Variants in RNF111 observed in about 807,000 individuals in gnomAD.
RNF111 encodes the protein E3 ubiquitin-protein ligase Arkadia.
In RNF111, 17 loss-of-function variants were observed where a neutral mutation model predicts 95.1. That is an observed-to-expected ratio of 0.18 (90% CI 0.12 to 0.27). RNF111 has a LOEUF of 0.27. Among genes scored for constraint, RNF111 ranks in the 10% least tolerant of loss-of-function variants. RNF111 has a pLI of 1.00. For synonymous variants in RNF111, 440 were observed against 414.8 expected (o/e 1.06, Z -0.74); for missense variants, 1,189 against 1,210.4 (o/e 0.98, Z 0.26).
At chr15:59,063,147 T>G (rs1306073512) in intron 5 of RNF111, among the ~76,000 whole-genome samples, 1 of 152,236 alleles carries the variant, frequency 6.6e-6, no homozygotes, top group Admixed American at 6.5e-5. Context: ...GCTACATGAT[T>G]GCATGCTGCT....
At chr15:59,008,318 A>G (rs2039634201) in intron 1 of RNF111, among the ~76,000 whole-genome samples, 1 of 152,114 alleles carries the variant, frequency 6.6e-6, no homozygotes, top group Non-Finnish European at 1.5e-5. Context: ...CCTGAGCTCA[A>G]GCGATCCTCC....
chr15:59,043,235 G>A (rs1015025948), intron 2 of RNF111, among the ~76,000 whole-genome samples: 2 of 151,294 alleles, frequency 1.3e-5, no homozygotes, highest in African/African-American at 4.9e-5. Flanking sequence ...GCTCACTGCA[G>A]CCTCCGCCTC....
chr15:59,088,078 T>C (rs1337051949), intron 10 of RNF111, among the ~76,000 whole-genome samples: 6 of 152,040 alleles, frequency 3.9e-5, no homozygotes, highest in Non-Finnish European at 8.8e-5. Flanking sequence ...CCAGGATTAG[T>C]AGAGAATTTA....
intron 1 of RNF111, among the ~76,000 whole-genome samples, chr15:59,017,842 C>T (rs778800060): frequency 1.3e-5 from 2 of 148,738 alleles, no homozygotes; most frequent in Non-Finnish European, 3.0e-5. Flanking sequence ...TCTGCAACCT[C>T]CACTTCCTGG....
intron 1 of RNF111, among the ~76,000 whole-genome samples, chr15:58,991,724 T>C (rs1596008928): frequency 6.6e-6 from 1 of 152,236 alleles, no homozygotes; most frequent in African/African-American, 2.4e-5. Context: ...TCTACAAATG[T>C]AAATTAATTA....
At chr15:59,041,485 G>A (rs1463725704) in intron 2 of RNF111, among the ~76,000 whole-genome samples, 5 of 152,176 alleles carry the variant, frequency 3.3e-5, no homozygotes, top group East Asian at 1.9e-4. Context: ...CCCAGGAGGC[G>A]GAGGTTGCAG....
At chr15:59,045,492 G>C (rs145722313) in intron 2 of RNF111, among the ~76,000 whole-genome samples, 13 of 152,098 alleles carry the variant, frequency 8.5e-5, no homozygotes, top group African/African-American at 2.9e-4. Flanking sequence ...CCCGGCCTTA[G>C]TTTTTCCTCT....
At chr15:58,992,159 G>A (rs530012888) in intron 1 of RNF111, among the ~76,000 whole-genome samples, 4 of 152,088 alleles carry the variant, frequency 2.6e-5, no homozygotes, top group Admixed American at 6.6e-5. Flanking sequence ...ATTCTTCTGC[G>A]TCAGTCTCCT....
intron 2 of RNF111, among the ~76,000 whole-genome samples, chr15:59,033,483 A>G (rs2041016893): frequency 1.3e-5 from 2 of 152,200 alleles, no homozygotes; most frequent in Non-Finnish European, 2.9e-5. Flanking sequence ...TTTCCTGAGA[A>G]TAAGGGAAAT....
chr15:59,083,572 G>A (rs999108591), intron 8 of RNF111, among the ~76,000 whole-genome samples: 1 of 151,064 alleles, frequency 6.6e-6, no homozygotes, highest in South Asian at 2.1e-4. Flanking sequence ...CTAAATACAC[G>A]TTTCCTAGGT....
chr15:59,053,159 C>G (rs1295455416), intron 3 of RNF111, among the ~76,000 whole-genome samples: 1 of 152,158 alleles, frequency 6.6e-6, no homozygotes, highest in Non-Finnish European at 1.5e-5. Context: ...TTCCTTCACT[C>G]AGTAATTTTA....
chr15:59,021,870 AT>A (rs1259722802), intron 1 of RNF111, among the ~76,000 whole-genome samples: 4 of 150,984 alleles, frequency 2.6e-5, no homozygotes, highest in Non-Finnish European at 5.9e-5. Flanking sequence ...CTTCTTATAA[AT>A]TTTTTTTTGA....
At chr15:58,993,026 C>T (rs1008703029) in intron 1 of RNF111, among the ~76,000 whole-genome samples, 7 of 150,402 alleles carry the variant, frequency 4.7e-5, no homozygotes, top group Admixed American at 2.0e-4. Flanking sequence ...AAAAAGTAGC[C>T]GGGCATGGTG....
At chr15:59,009,401 T>C (rs1234133698) in intron 1 of RNF111, among the ~76,000 whole-genome samples, 2 of 151,984 alleles carry the variant, frequency 1.3e-5, no homozygotes, top group Admixed American at 6.6e-5. Flanking sequence ...CTTTATTCCA[T>C]TGTGCTTTTT....
intron 3 of RNF111, among the ~76,000 whole-genome samples, chr15:59,054,652 T>C: frequency 6.6e-6 from 1 of 152,186 alleles, no homozygotes; most frequent in Non-Finnish European, 1.5e-5. Context: ...TTAAGAATTT[T>C]ATTTTAGAAT....
chr15:59,050,225 C>T (rs1041082827), intron 2 of RNF111: 2 of 152,098 alleles, frequency 1.3e-5, no homozygotes, highest in African/African-American at 4.8e-5. Flanking sequence ...CCACCATGCT[C>T]GACTAATTAT....
At chr15:59,033,016 G>C (rs2040992921) in intron 2 of RNF111, among the ~76,000 whole-genome samples, 1 of 152,196 alleles carries the variant, frequency 6.6e-6, no homozygotes, top group South Asian at 2.1e-4. Context: ...CACTTTTACA[G>C]TTGTAATTTA....
intron 1 of RNF111, among the ~76,000 whole-genome samples, chr15:59,006,072 G>A (rs376029589): frequency 2.6e-5 from 4 of 152,302 alleles, no homozygotes; most frequent in South Asian, 4.1e-4. Context: ...TCCAGTAGGC[G>A]TGGTCATTGT....
intron 4 of RNF111, 99 bp from the exon 5 acceptor site, chr15:59,058,255 GTT>G: frequency 2.1e-6 from 2 of 968,034 alleles, no homozygotes; most frequent in Non-Finnish European, 3.0e-6. Context: ...TATTTTTAAA[GTT>G]TTTTTATTTA....
Sources: allele counts gnomAD v4.1 joint callset (sites outside exome capture counted in the v4.1 genomes callset), GRCh38; gene constraint gnomAD v4.1.1; transcripts MANE v1.5; gene names NCBI Gene and HGNC (gene_info 2026-07-23, HGNC 2026-07-21).